The following DCDC1 variants were observed in gnomAD, a reference collection of about 807,000 sequenced individuals.
DCDC1 encodes the protein doublecortin domain containing 1.
DCDC1 carries 200 observed loss-of-function variants against 178.3 expected under a neutral mutation model. The observed-to-expected ratio is 1.12, with a 90% CI of 1.00 to 1.26. The LOEUF (loss-of-function observed/expected upper bound fraction) is 1.26. DCDC1 is among the 50% of genes most tolerant of loss of function. The probability of loss-of-function intolerance (pLI) is 0.00; values close to 1 mark genes in which losing one functional copy is unlikely to be tolerated. For synonymous variants in DCDC1, 690 were observed against 604.8 expected, an observed-to-expected ratio of 1.14 and a Z score of -2.07; for missense variants, 1,983 against 1,749.2, an observed-to-expected ratio of 1.13 and a Z score of -2.38.
chr11:30,891,151 G>A (rs1437800042), intron 36 of DCDC1, among the ~76,000 whole-genome samples: 1 of 152,230 alleles, frequency 6.6e-6, no homozygotes. Context: ...TTAATTTAAA[G>A]AGACCACAGA....
chr11:30,865,587 T>TA (rs1340211307), intron 38 of DCDC1, among the ~76,000 whole-genome samples: 1 of 152,146 alleles, frequency 6.6e-6, no homozygotes, highest in South Asian at 2.1e-4. Context: ...ATCAATGTTA[T>TA]AAAAGGGGTC....
At chr11:30,932,992 T>TC (rs201237630) in intron 21 of DCDC1, among the ~76,000 whole-genome samples, 4,074 of 26,436 alleles carry the variant, frequency 0.15, 183 homozygotes, top group African/African-American at 0.28. Flanking sequence ...ATTCTTTCTC[T>TC]TTTTTTTTTT....
chr11:31,158,132 G>T (rs1195573117), intron 9 of DCDC1, among the ~76,000 whole-genome samples: 1 of 151,674 alleles, frequency 6.6e-6, no homozygotes, highest in Non-Finnish European at 1.5e-5. Flanking sequence ...TTTTTGAGAC[G>T]GAGTCTCGCT....
chr11:30,986,090 T>G (rs1950626499), intron 20 of DCDC1, among the ~76,000 whole-genome samples: 1 of 152,154 alleles, frequency 6.6e-6, no homozygotes, highest in Non-Finnish European at 1.5e-5. Context: ...TTATGACATT[T>G]ATTTAGTCAT....
At chr11:30,982,783 G>A (rs1397061504) in intron 20 of DCDC1, among the ~76,000 whole-genome samples, 1 of 152,092 alleles carries the variant, frequency 6.6e-6, no homozygotes, top group East Asian at 1.9e-4. Flanking sequence ...AAATGAGTGA[G>A]TATTCAACAC....
chr11:31,210,530 G>T (rs1427466008), intron 9 of DCDC1, among the ~76,000 whole-genome samples: 1 of 152,000 alleles, frequency 6.6e-6, no homozygotes, highest in Non-Finnish European at 1.5e-5. Flanking sequence ...GGCCAATGCG[G>T]TGAAACCCCG....
intron 20 of DCDC1, among the ~76,000 whole-genome samples, chr11:30,961,171 G>A (rs1949071923): frequency 6.6e-6 from 1 of 151,936 alleles, no homozygotes; most frequent in African/African-American, 2.4e-5. Flanking sequence ...GCCTTTAATG[G>A]AACTACAACT....
intron 9 of DCDC1, among the ~76,000 whole-genome samples, chr11:31,214,986 G>A (rs961554644): frequency 1.3e-5 from 2 of 151,506 alleles, no homozygotes; most frequent in Admixed American, 1.3e-4. Context: ...AATCTAAGCA[G>A]GACATTTTAA....
rs1954210444 is a variant in DCDC1 at position 31,038,249 on chromosome 11, T to C, written c.2591+26220A>G. On this transcript the variant is annotated intron_variant, in intron 20 of 38. Coordinates refer to ENST00000684477, the MANE Select transcript of DCDC1 (RefSeq NM_001387274.1). Reference sequence around the variant, plus strand: ...TATATACACACACACACATAAAAACTTGAAAAAAATGAATTTAAGTGCACA... The same window carrying C: ...TATATACACACACACACATAAAAACCTGAAAAAAATGAATTTAAGTGCACA... Among the ~76,000 whole-genome samples, 8 of 152,018 alleles carry C rather than the reference T, an allele frequency of 5.3e-5. No individual in the cohort carries two copies. In the South Asian group the frequency reaches 1.7e-3, roughly 32 times the overall value.
At chr11:31,345,452 A>G (rs1392305481) in intron 1 of DCDC1, among the ~76,000 whole-genome samples, 5 of 152,162 alleles carry the variant, frequency 3.3e-5, no homozygotes, top group East Asian at 3.9e-4. Context: ...CATCACCTAT[A>G]TTCACATGCA....
intron 9 of DCDC1, among the ~76,000 whole-genome samples, chr11:31,223,455 T>C (rs1242714190): frequency 2.6e-5 from 4 of 152,208 alleles, no homozygotes; most frequent in African/African-American, 9.6e-5. Context: ...CACAATGATA[T>C]GCATACTGCA....
At chr11:30,998,566 A>T (rs558320536) in intron 20 of DCDC1, among the ~76,000 whole-genome samples, 1 of 152,358 alleles carries the variant, frequency 6.6e-6, no homozygotes, top group African/African-American at 2.4e-5. Flanking sequence ...TAAATGTTTT[A>T]AAAATGACAG....
intron 37 of DCDC1, 93 bp from the exon 38 acceptor site, chr11:30,878,804 T>C: frequency 8.0e-7 from 1 of 1,248,018 alleles, no homozygotes; most frequent in Non-Finnish European, 1.1e-6. Context: ...TGAAGACCCC[T>C]CACAAATCCT....
chr11:30,993,541 A>G lies in DCDC1; in HGVS notation c.2592-40973T>C, dbSNP rs117289187. ...AGAGAAAATCAATGAATGAAAAACT[A>G]TTTCTAAAATTGATAAACCTCTAGC... is the stretch of plus-strand genomic sequence containing the variant. On this transcript the variant is annotated intron_variant, in intron 20 of 38. Coordinates refer to ENST00000684477, the MANE Select transcript of DCDC1 (RefSeq NM_001387274.1). Among the ~76,000 whole-genome samples the G allele has an allele frequency of 3.2e-3, 493 of 152,216 alleles. 25 individuals carry two copies. The East Asian group carries it at 0.08, about 25-fold the overall frequency.
intron 20 of DCDC1, among the ~76,000 whole-genome samples, chr11:30,999,917 T>C (rs1391397133): frequency 6.6e-6 from 1 of 152,116 alleles, no homozygotes; most frequent in Non-Finnish European, 1.5e-5. Flanking sequence ...AACTGAGACT[T>C]GTGACTTGAC....
intron 6 of DCDC1, 93 bp downstream of exon 6, chr11:31,305,522 T>C: frequency 6.7e-7 from 1 of 1,485,656 alleles, no homozygotes; most frequent in South Asian, 1.3e-5. Context: ...TGTTAAACCA[T>C]GCAAAAAAGA....
Position 30,911,356 on chromosome 11 carries a change from C to A in DCDC1, c.3718G>T (p.Glu1240Ter). ...ACAATAACTGGATAGCCACAAACTT[C>A]ATTTCTAGTCTTGGTCATAGACACT... ...LAVSMTKTRN[E>*]VCGYPVIVQK... Residue 1240 changes from glutamate (E) to a stop codon, truncating the protein, a stop_gained, in exon 28 of 39, where the codon GAA becomes TAA. Coordinates refer to ENST00000684477, the MANE Select transcript of DCDC1 (RefSeq NM_001387274.1). LOFTEE classifies it high-confidence loss of function. 6.2e-7 allele frequency: 1 copy of A among 1,605,626 alleles called. No individual in the cohort carries two copies. The highest frequency in any genetic ancestry group is 1.7e-5 in the Admixed American group (1 of 59,002).
At position 31,214,929 on chromosome 11, in the gene DCDC1, CTTAATATTT is replaced by C. The variant is rs1161310286; in HGVS notation, c.1221+26512_1221+26520del. On this transcript the variant is annotated intron_variant, in intron 9 of 38. Transcript: ENST00000684477. ...TCCATAATTAAATATAAAGGTGAAA[CTTAATATTT>C]TTATATATTTAATATTTTAAAATAT... 1.5e-4 allele frequency among the ~76,000 whole-genome samples: 22 copies of C among 151,430 alleles called. No homozygotes were observed. In the South Asian group the frequency reaches 1.7e-3, roughly 11 times the overall value.
At chr11:31,024,152 T>C (rs1348515818) in intron 20 of DCDC1, among the ~76,000 whole-genome samples, 1 of 152,048 alleles carries the variant, frequency 6.6e-6, no homozygotes, top group Admixed American at 6.6e-5. Context: ...AATGATTGAT[T>C]GTGTTTTTTA....
Sources: gnomAD v4.1 joint callset for allele counts (sites outside exome capture counted in the v4.1 genomes callset) on GRCh38, gnomAD v4.1.1 for gene constraint, MANE v1.5 for transcripts, NCBI Gene and HGNC (gene_info 2026-07-23, HGNC 2026-07-21) for gene names.